Variants in SGCD observed in about 807,000 individuals in gnomAD.
SGCD encodes delta-sarcoglycan.
A neutral mutation model predicts 36.6 loss-of-function variants in SGCD; 18 were observed. That is an observed-to-expected ratio of 0.49 (90% confidence interval 0.34 to 0.73). The LOEUF is 0.73. Ranked by LOEUF, SGCD falls within the 30% of genes least tolerant of loss-of-function variation. The pLI is 0.01. For missense variants in SGCD, 387 were observed against 346.7 expected (o/e 1.12, Z -0.92); for synonymous variants, 133 against 130.6 (o/e 1.02, Z -0.12).
At chr5:156,588,300 A>C (rs1310439006) in intron 4 of SGCD, among the ~76,000 whole-genome samples, 1 of 152,078 alleles carries the variant, frequency 6.6e-6, no homozygotes, top group Non-Finnish European at 1.5e-5. Context: ...AGAATATCTC[A>C]TGTCATATTC....
chr5:156,528,428 C>A (rs1195697327), intron 4 of SGCD, among the ~76,000 whole-genome samples: 1 of 152,108 alleles, frequency 6.6e-6, no homozygotes, highest in Admixed American at 6.5e-5. Context: ...TCCTTAGTTT[C>A]TAGACTAGTT....
rs183050676 is a variant in SGCD, at chr5:156,198,486, A to C, written c.-44+74467A>C. ...CTGTTATAGTCCCTGCTGTGTAGAGAAGGAATCTGAGGCATAGAGTGGTTG... is the reference window on the plus strand; with the variant it reads ...CTGTTATAGTCCCTGCTGTGTAGAGCAGGAATCTGAGGCATAGAGTGGTTG... On this transcript the variant is annotated intron_variant, in intron 3 of 9. Coordinates refer to the SGCD transcript ENST00000517913. Among the ~76,000 whole-genome samples the C allele has an allele frequency of 7.2e-5, 11 of 152,176 alleles. No individual in the cohort carries two copies. In the East Asian group the frequency reaches 2.1e-3, roughly 29 times the overall value.
At chr5:156,141,349 C>G (rs143181252) in intron 3 of SGCD, among the ~76,000 whole-genome samples, 10 of 152,212 alleles carry the variant, frequency 6.6e-5, no homozygotes, top group African/African-American at 1.7e-4. Context: ...CCCCAAGACC[C>G]CAGAACTATG....
rs149005844 is a variant in SGCD, at chr5:156,397,280, A to G, written c.192+52603A>G. Among the ~76,000 whole-genome samples, 52 of 152,346 alleles carry G rather than the reference A, an allele frequency of 3.4e-4. 1 individual carries two copies. The East Asian group carries it at 0.01, about 29-fold the overall frequency. On this transcript the variant is annotated intron_variant, in intron 3 of 8. Coordinates refer to ENST00000337851, the MANE Select transcript of SGCD (RefSeq NM_000337.6). ...GTCGGTCTGCAAACTTTTTCTATAAAGGATCAAAGAGTAAAAGTTTTATGC... is the reference window on the plus strand; with the variant it reads ...GTCGGTCTGCAAACTTTTTCTATAAGGGATCAAAGAGTAAAAGTTTTATGC...
chr5:155,769,906 C>T, the SGCD span, among the ~76,000 whole-genome samples: 1 of 152,048 alleles, frequency 6.6e-6, no homozygotes, highest in African/African-American at 2.4e-5. Flanking sequence ...TTTCCTACGC[C>T]CTACACAAGA....
chr5:155,921,682 C>G (rs1213416708), intron 1 of SGCD, among the ~76,000 whole-genome samples: 1 of 152,116 alleles, frequency 6.6e-6, no homozygotes, highest in Admixed American at 6.5e-5. Flanking sequence ...AACCTGAACT[C>G]AGGCAAAAAG....
chr5:155,815,195 A>G, the SGCD span, among the ~76,000 whole-genome samples: 3 of 152,190 alleles, frequency 2.0e-5, no homozygotes, highest in Admixed American at 1.3e-4. Flanking sequence ...TTCTCTCACC[A>G]TCTAAGTTGA....
the SGCD span, among the ~76,000 whole-genome samples, chr5:155,825,739 T>TTGTTGTTG: frequency 2.1e-5 from 3 of 144,688 alleles, no homozygotes; most frequent in Non-Finnish European, 3.0e-5. Context: ...TTTTTTTTTT[T>TTGTTGTTG]TTGTTGTTGT....
the SGCD span, among the ~76,000 whole-genome samples, chr5:155,831,160 C>T: frequency 0.017 from 2,628 of 152,240 alleles, 79 homozygotes; most frequent in African/African-American, 0.06. Flanking sequence ...TCTCTGATTC[C>T]GCAACCTGCA....
chr5:156,629,200 A>G (rs940720469), intron 6 of SGCD, among the ~76,000 whole-genome samples: 1 of 152,202 alleles, frequency 6.6e-6, no homozygotes, highest in African/African-American at 2.4e-5. Context: ...TTACCATTCA[A>G]GGCAACACTT....
intron 6 of SGCD, among the ~76,000 whole-genome samples, chr5:156,617,776 A>C (rs1182456038): frequency 1.3e-5 from 2 of 152,226 alleles, no homozygotes; most frequent in Non-Finnish European, 2.9e-5. Flanking sequence ...AGAAGGCTCC[A>C]GGGGTGGTTT....
At chr5:156,076,271 A>AT (rs1407495588) in intron 1 of SGCD, among the ~76,000 whole-genome samples, 4 of 149,784 alleles carry the variant, frequency 2.7e-5, no homozygotes, top group Non-Finnish European at 4.5e-5. Context: ...CAGGTGGTTT[A>AT]TTTTTTTTCC....
At chr5:156,505,064 G>A (rs1701881757) in intron 3 of SGCD, among the ~76,000 whole-genome samples, 1 of 152,216 alleles carries the variant, frequency 6.6e-6, no homozygotes, top group South Asian at 2.1e-4. Context: ...CTGTGAAAAG[G>A]TTTGCCTCTC....
chr5:156,320,476 G>A (rs540461134), intron 3 of SGCD, among the ~76,000 whole-genome samples: 15 of 152,214 alleles, frequency 9.9e-5, no homozygotes, highest in African/African-American at 2.6e-4. Context: ...CAGAAAGAAC[G>A]TTAAAAGAAT....
intron 3 of SGCD, among the ~76,000 whole-genome samples, chr5:156,320,706 G>T (rs1361579901): frequency 2.0e-5 from 3 of 152,176 alleles, no homozygotes; most frequent in Non-Finnish European, 4.4e-5. Context: ...GTATATATTT[G>T]AATTTCCGAA....
intron 3 of SGCD, among the ~76,000 whole-genome samples, chr5:156,372,695 C>T (rs1580889270): frequency 1.3e-5 from 2 of 152,236 alleles, no homozygotes; most frequent in Middle Eastern, 6.8e-3. Context: ...TAGCTAGTTA[C>T]CTTGGAACAG....
At chr5:156,125,181 A>G (rs1762140369) in intron 3 of SGCD, among the ~76,000 whole-genome samples, 1 of 152,224 alleles carries the variant, frequency 6.6e-6, no homozygotes, top group African/African-American at 2.4e-5. Flanking sequence ...CAAAAAAGAA[A>G]GAAAAATAAT....
chr5:156,333,194 C>G (rs866461698), intron 2 of SGCD, among the ~76,000 whole-genome samples: 15 of 152,170 alleles, frequency 9.9e-5, no homozygotes, highest in Non-Finnish European at 1.5e-4. Context: ...AAGGGAGAAT[C>G]TACTGGATCA....
chr5:156,194,813 C>G (rs1763984442), intron 3 of SGCD, among the ~76,000 whole-genome samples: 1 of 151,966 alleles, frequency 6.6e-6, no homozygotes, highest in Non-Finnish European at 1.5e-5. Context: ...ATAGTTGAAC[C>G]TTTTATGGCT....
Sources: gnomAD v4.1 joint callset for allele counts (sites outside exome capture counted in the v4.1 genomes callset) on GRCh38, gnomAD v4.1.1 for gene constraint, MANE v1.5 for transcripts, NCBI Gene and HGNC (gene_info 2026-07-23, HGNC 2026-07-21) for gene names.